Variants in ZIM2 observed in about 807,000 individuals in gnomAD.
The protein encoded by ZIM2 is zinc finger protein 656.
Under a neutral mutation model 38.6 loss-of-function variants are expected in ZIM2, and 14 were observed. That is an observed-to-expected ratio of 0.36 (90% confidence interval 0.24 to 0.57). The LOEUF (loss-of-function observed/expected upper bound fraction) is 0.57, where lower values mean the gene tolerates loss of function less well. Ranked by LOEUF, ZIM2 falls within the 20% of genes least tolerant of loss-of-function variation. The pLI, the probability that ZIM2 is intolerant of heterozygous loss-of-function variation, is 0.81. For synonymous variants in ZIM2, 247 were observed against 245.8 expected (o/e 1.00, Z -0.04); for missense variants, 680 against 695.1 (o/e 0.98, Z 0.24).
intron 9 of ZIM2, chr19:56,817,464 G>A: frequency 6.2e-7 from 1 of 1,612,494 alleles, no homozygotes; most frequent in Non-Finnish European, 8.5e-7. Context: ...TTCCCGATTT[G>A]GAACTGCGTG....
intron 9 of ZIM2, among the ~76,000 whole-genome samples, chr19:56,807,010 C>T (rs1352556130): frequency 6.6e-6 from 1 of 152,196 alleles, no homozygotes; most frequent in Non-Finnish European, 1.5e-5. Context: ...TATACACATA[C>T]TCTTGGTTCC....
At chr19:56,822,199 G>A (rs1368779421) in intron 6 of ZIM2, among the ~76,000 whole-genome samples, 1 of 152,116 alleles carries the variant, frequency 6.6e-6, no homozygotes, top group Non-Finnish European at 1.5e-5. Context: ...TCCTTCTCCT[G>A]ATCAATTTTA....
intron 9 of ZIM2, chr19:56,815,334 G>C: frequency 6.2e-7 from 1 of 1,614,192 alleles, no homozygotes; most frequent in African/African-American, 1.3e-5. Context: ...AAAATTGTCT[G>C]AAGTCCTTAC....
At chr19:56,817,258 T>C (rs368135363) in intron 9 of ZIM2, 1 of 1,614,186 alleles carries the variant, frequency 6.2e-7, no homozygotes, top group Non-Finnish European at 8.5e-7. Context: ...TGTGTCAAAA[T>C]GATAGCGCCT....
At chr19:56,780,240 TTTTTC>T (rs1871054500) in intron 11 of ZIM2, among the ~76,000 whole-genome samples, 1 of 132,050 alleles carries the variant, frequency 7.6e-6, no homozygotes, top group Non-Finnish European at 1.6e-5. Context: ...CTTATTTTCT[TTTTTC>T]TTTTTTTTTT....
At chr19:56,817,551 T>C (rs143368073) in intron 9 of ZIM2, 195 bp downstream of exon 9, 44 of 1,594,446 alleles carry the variant, frequency 2.8e-5, no homozygotes, top group Admixed American at 5.2e-5. Context: ...GGTGGGTTGA[T>C]TTTTTGGCTT....
At chr19:56,816,692 T>C in intron 9 of ZIM2, 1 of 1,614,142 alleles carries the variant, frequency 6.2e-7, no homozygotes, top group Middle Eastern at 1.6e-4. Context: ...CCAAAGTGGA[T>C]TTTCTGGTGC....
intron 10 of ZIM2, among the ~76,000 whole-genome samples, chr19:56,783,075 C>G (rs369609774): frequency 6.6e-6 from 1 of 152,100 alleles, no homozygotes; most frequent in South Asian, 2.1e-4. Context: ...CCCCAAAATT[C>G]TATTCCTAGG....
intron 3 of ZIM2, among the ~76,000 whole-genome samples, chr19:56,825,235 A>G (rs1248491752): frequency 1.3e-5 from 2 of 152,244 alleles, no homozygotes; most frequent in East Asian, 3.8e-4. Context: ...TCTTCCCTTA[A>G]CACAATTATT....
chr19:56,839,806 A>T (rs908304914), intron 1 of ZIM2, among the ~76,000 whole-genome samples: 3 of 151,754 alleles, frequency 2.0e-5, no homozygotes, highest in African/African-American at 7.3e-5. Flanking sequence ...ACCCTCATAA[A>T]AGATGGCACC....
At chr19:56,798,287 G>C (rs1298068807) in intron 9 of ZIM2, 1 of 152,070 alleles carries the variant, frequency 6.6e-6, no homozygotes, top group African/African-American at 2.4e-5. Context: ...GCATCTCATG[G>C]CTAAAATACT....
chr19:56,815,015 A>T, intron 9 of ZIM2: 1 of 1,614,088 alleles, frequency 6.2e-7, no homozygotes, highest in Non-Finnish European at 8.5e-7. Context: ...TGAATTACAG[A>T]ATGTGTGTAC....
intron 9 of ZIM2, chr19:56,817,372 C>G: frequency 6.2e-7 from 1 of 1,614,010 alleles, no homozygotes; most frequent in Non-Finnish European, 8.5e-7. Flanking sequence ...CACTGACTCC[C>G]TCTTGTTCAA....
intron 10 of ZIM2, among the ~76,000 whole-genome samples, chr19:56,783,664 G>A (rs966978646): frequency 1.3e-5 from 2 of 152,130 alleles, no homozygotes; most frequent in Admixed American, 1.3e-4. Flanking sequence ...AGACACTAGG[G>A]AATACAAGAG....
At chr19:56,819,401 A>T (rs4801387) in intron 7 of ZIM2, among the ~76,000 whole-genome samples, 34,494 of 152,222 alleles carry the variant, frequency 0.23, 4,660 homozygotes, top group Admixed American at 0.32. Context: ...GAATTTTAAA[A>T]TTCCTCACAT....
intron 9 of ZIM2, chr19:56,815,192 T>A (rs1451262934): frequency 1.2e-6 from 2 of 1,613,952 alleles, no homozygotes; most frequent in South Asian, 1.1e-5. Context: ...GGGTCTTCAA[T>A]TGTCTCCTGA....
intron 2 of ZIM2, among the ~76,000 whole-genome samples, chr19:56,835,265 G>A (rs541904087): frequency 6.6e-6 from 1 of 152,212 alleles, no homozygotes; most frequent in African/African-American, 2.4e-5. Flanking sequence ...AGCACTTCCC[G>A]CTGCACTTAA....
chr19:56,811,686 C>T (rs576211258), intron 9 of ZIM2: 2 of 985,468 alleles, frequency 2.0e-6, no homozygotes, highest in South Asian at 9.4e-5. Flanking sequence ...AGTCCTTTTC[C>T]CATGTAGTAA....
intron 9 of ZIM2, among the ~76,000 whole-genome samples, chr19:56,795,321 G>A (rs568131233): frequency 5.3e-5 from 8 of 152,328 alleles, no homozygotes; most frequent in Admixed American, 3.9e-4. Context: ...GGCCCGCCGC[G>A]GAGTCTTCCT....
Sources: gnomAD v4.1 joint callset for allele counts (sites outside exome capture counted in the v4.1 genomes callset) on GRCh38, gnomAD v4.1.1 for gene constraint, MANE v1.5 for transcripts, NCBI Gene and HGNC (gene_info 2026-07-23, HGNC 2026-07-21) for gene names.